CAPN13: variants seen among roughly 807,000 people sequenced by gnomAD.
The protein encoded by CAPN13 is calpain 13.
In CAPN13, 90 loss-of-function variants were observed where a neutral mutation model predicts 98.4. That is an observed-to-expected ratio of 0.92 (90% confidence interval 0.77 to 1.09). The LOEUF (loss-of-function observed/expected upper bound fraction) is 1.09, where lower values mean the gene tolerates loss of function less well. CAPN13 is among the 50% of genes least tolerant of loss of function. The pLI is 0.00. For missense variants in CAPN13, 887 were observed against 841.3 expected, an observed-to-expected ratio of 1.05 and a Z score of -0.67; for synonymous variants, 330 against 305.5, an observed-to-expected ratio of 1.08 and a Z score of -0.84.
At chr2:30,789,549 A>G (rs2148079154) in intron 1 of CAPN13, among the ~76,000 whole-genome samples, 1 of 152,324 alleles carries the variant, frequency 6.6e-6, no homozygotes, top group Middle Eastern at 3.4e-3. Flanking sequence ...TTCCTAGTCC[A>G]TCTGGGGGGC....
chr2:30,724,523 T>C (rs1454868006), intron 22 of CAPN13, among the ~76,000 whole-genome samples: 1 of 152,218 alleles, frequency 6.6e-6, no homozygotes, highest in Admixed American at 6.5e-5. Flanking sequence ...GGATCTTCTG[T>C]TTCCCGGATT....
intron 4 of CAPN13, 108 bp downstream of exon 4, chr2:30,775,822 G>T: frequency 1.6e-6 from 1 of 610,308 alleles, no homozygotes; most frequent in Non-Finnish European, 2.6e-6. Flanking sequence ...TAACACAACT[G>T]TCACTTTCAT....
intron 1 of CAPN13, among the ~76,000 whole-genome samples, chr2:30,800,156 G>GAAAGAAA (rs1675169509): frequency 6.7e-6 from 1 of 149,800 alleles, no homozygotes; most frequent in Admixed American, 6.7e-5. Context: ...AAGAAAGAAA[G>GAAAGAAA]AAAGAAAGAA....
Position 30,742,316 on chromosome 2 carries a change from G to A in CAPN13, c.1479+10C>T. ...TGAGGCTCGCCAGCCAAACCTTGCT[G>A]CATACCTACCTTCATTCTGAGGTTG... On this transcript the variant is annotated intron_variant, in intron 14 of 22. Transcript: ENST00000295055. The A allele has an allele frequency of 6.2e-7, 1 of 1,601,578 alleles. No homozygotes were observed. The highest frequency in any genetic ancestry group is 8.5e-7 in the Non-Finnish European group (1 of 1,174,046).
Position 30,741,862 on chromosome 2 carries a change from C to T in CAPN13, c.1536+46G>A, listed in dbSNP as rs368908500. 103 of 1,613,552 alleles carry T rather than the reference C, an allele frequency of 6.4e-5. No homozygotes were observed. In the African/African-American group the frequency reaches 1.0e-3, roughly 16 times the overall value. ...TGAGAGCTGTCCCTCCCTCAGGTCCCCTTTCTCCAATCCCACGTAAGGCCC... is the reference window on the plus strand; with the variant it reads ...TGAGAGCTGTCCCTCCCTCAGGTCCTCTTTCTCCAATCCCACGTAAGGCCC... On this transcript the variant is annotated intron_variant, in intron 15 of 22. Transcript: ENST00000295055.
At chr2:30,730,260 G>A (rs912049190) in intron 22 of CAPN13, among the ~76,000 whole-genome samples, 1 of 152,162 alleles carries the variant, frequency 6.6e-6, no homozygotes, top group Non-Finnish European at 1.5e-5. Flanking sequence ...GCACACTCAT[G>A]CTAGAGGGAT....
intron 10 of CAPN13, 52 bp from the exon 11 acceptor site, chr2:30,751,303 G>A (rs932597616): frequency 1.9e-6 from 3 of 1,599,988 alleles, no homozygotes; most frequent in South Asian, 2.2e-5. Context: ...TGGGACTCCT[G>A]GGCAGGGCCA....
intron 6 of CAPN13, 65 bp downstream of exon 6, chr2:30,764,067 C>T (rs550474835): frequency 6.8e-7 from 1 of 1,476,542 alleles, no homozygotes; most frequent in South Asian, 1.3e-5. Flanking sequence ...TGAATGGACC[C>T]CTGGCTGAGC....
chr2:30,770,447 GAAC>G lies in CAPN13; in HGVS notation c.388-1_389del. On this transcript the variant is annotated splice_acceptor_variant and coding_sequence_variant, in exon 5 of 23. Coordinates refer to ENST00000295055, the MANE Select transcript of CAPN13 (RefSeq NM_144575.3). LOFTEE classifies it high-confidence loss of function. ...CTTCCACCCACTGGCCACATTGCCAGAACTGGAAGAGAGCCAAGCATATGCTTT... is the reference window on the plus strand; with the variant it reads ...CTTCCACCCACTGGCCACATTGCCAGTGGAAGAGAGCCAAGCATATGCTTT... The G allele has an allele frequency of 6.2e-7, 1 of 1,613,806 alleles. No individual in the cohort carries two copies. The highest frequency in any genetic ancestry group is 1.1e-5 in the South Asian group (1 of 91,042).
intron 1 of CAPN13, among the ~76,000 whole-genome samples, chr2:30,790,146 T>G (rs1431922229): frequency 2.0e-5 from 3 of 152,232 alleles, no homozygotes; most frequent in Non-Finnish European, 4.4e-5. Context: ...TGTAGGCTCA[T>G]GTTCTCAGGA....
chr2:30,736,583 G>C lies in CAPN13; in HGVS notation c.1654-12C>G, dbSNP rs746529314. 1.9e-6 allele frequency: 3 copies of C among 1,613,806 alleles called. No homozygotes were observed. In the African/African-American group the frequency reaches 4.0e-5, roughly 22 times the overall value. ...CCATTCACTTTCAGCTGGGTAAGGA[G>C]TTAAGAGTGAACCAGCCAGCGTGCA... On this transcript the variant is annotated splice_polypyrimidine_tract_variant and intron_variant, in intron 17 of 22. Coordinates refer to ENST00000295055, the MANE Select transcript of CAPN13 (RefSeq NM_144575.3).
At chr2:30,759,806 G>A (rs1306216056) in intron 7 of CAPN13, among the ~76,000 whole-genome samples, 2 of 152,196 alleles carry the variant, frequency 1.3e-5, no homozygotes, top group African/African-American at 4.8e-5. Context: ...GGATGTGGCT[G>A]TGACCTTGGC....
chr2:30,807,206 G>A (rs969564248), intron 1 of CAPN13, 96 bp downstream of exon 1: 2 of 152,186 alleles, frequency 1.3e-5, no homozygotes, highest in African/African-American at 2.4e-5. Flanking sequence ...ACTCAGAAGC[G>A]ACATCATGAA....
chr2:30,745,731 C>T lies in CAPN13; in HGVS notation c.1240G>A (p.Gly414Ser). Residue 414 changes from glycine to serine, a missense_variant, in exon 12 of 23, where the codon GGC (glycine) becomes AGC (serine). Transcript: ENST00000295055. Reference protein sequence around the residue: ...FPLDFQVILAGSQRFREKFPP... With the variant: ...FPLDFQVILASSQRFREKFPP... The stretch of plus-strand genomic sequence containing the variant: ...ACGACGCTGAGCCATACCTGTGAGC[C>T]AGCCTGTTGGAAACAGGGAGAAAGG... 6.3e-7 allele frequency: 1 copy of T among 1,596,258 alleles called. No homozygotes were observed. Among genetic ancestry groups the T allele is most frequent in the Non-Finnish European group, 8.5e-7 (1 of 1,178,784 alleles).
intron 11 of CAPN13, among the ~76,000 whole-genome samples, chr2:30,748,143 A>G (rs1388489981): frequency 6.6e-6 from 1 of 152,178 alleles, no homozygotes; most frequent in African/African-American, 2.4e-5. Context: ...AAGAAGGAAG[A>G]GTTGGCTGAG....
chr2:30,794,361 C>T (rs1294784434), intron 1 of CAPN13, among the ~76,000 whole-genome samples: 9 of 151,810 alleles, frequency 5.9e-5, no homozygotes, highest in Non-Finnish European at 5.9e-5. Context: ...TCACTATAGG[C>T]CATTTTCTAA....
intron 2 of CAPN13, among the ~76,000 whole-genome samples, chr2:30,785,028 C>T (rs1674196082): frequency 6.6e-6 from 1 of 152,168 alleles, no homozygotes; most frequent in African/African-American, 2.4e-5. Flanking sequence ...TTGGCTTTTT[C>T]CTTTACTGTC....
At position 30,742,312 on chromosome 2, in the gene CAPN13, T is replaced by G. The variant is rs1671703304; in HGVS notation, c.1479+14A>C. The G allele has an allele frequency of 6.2e-7, 1 of 1,600,708 alleles. No homozygotes were observed. Among genetic ancestry groups the G allele is most frequent in the Non-Finnish European group, 8.5e-7 (1 of 1,173,692 alleles). On this transcript the variant is annotated intron_variant, in intron 14 of 22. Transcript: ENST00000295055. ...CCAATGAGGCTCGCCAGCCAAACCT[T>G]GCTGCATACCTACCTTCATTCTGAG...
At chr2:30,733,887 A>T (rs1388330123) in intron 19 of CAPN13, among the ~76,000 whole-genome samples, 1 of 152,140 alleles carries the variant, frequency 6.6e-6, no homozygotes, top group Non-Finnish European at 1.5e-5. Flanking sequence ...TGCCCTTCCC[A>T]GTTTGCAGGG....
Sources: allele counts gnomAD v4.1 joint callset (sites outside exome capture counted in the v4.1 genomes callset), GRCh38; gene constraint gnomAD v4.1.1; transcripts MANE v1.5; gene names NCBI Gene and HGNC (gene_info 2026-07-23, HGNC 2026-07-21).